Variants in C1QTNF7 observed in about 807,000 individuals in gnomAD.
The protein encoded by C1QTNF7 is C1q and TNF related 7, also known as complement C1q tumor necrosis factor-related protein 7.
Under a neutral mutation model 19.6 loss-of-function variants are expected in C1QTNF7, and 15 were observed. The observed-to-expected ratio is 0.76, with a 90% CI of 0.51 to 1.18. The LOEUF is 1.18. Among genes scored for constraint, C1QTNF7 ranks in the 50% most tolerant of loss-of-function variants. The probability of loss-of-function intolerance (pLI) is 0.00; values close to 1 mark genes in which losing one functional copy is unlikely to be tolerated. For synonymous variants in C1QTNF7, 142 were observed against 137.5 expected (o/e 1.03, Z -0.23); for missense variants, 324 against 359.7 (o/e 0.90, Z 0.80).
intron 1 of C1QTNF7, among the ~76,000 whole-genome samples, chr4:15,371,006 C>T (rs1717700005): frequency 6.6e-6 from 1 of 152,222 alleles, no homozygotes; most frequent in Admixed American, 6.5e-5. Flanking sequence ...GTTCCTTCAA[C>T]TGAAAATGTC....
intron 2 of C1QTNF7, among the ~76,000 whole-genome samples, chr4:15,440,713 A>G (rs986645961): frequency 1.3e-5 from 2 of 151,958 alleles, no homozygotes; most frequent in Non-Finnish European, 2.9e-5. Flanking sequence ...GCCCAGAAGC[A>G]AGTTTTTTTT....
chr4:15,350,961 A>G (rs549814702), intron 1 of C1QTNF7, among the ~76,000 whole-genome samples: 1 of 152,338 alleles, frequency 6.6e-6, no homozygotes, highest in African/African-American at 2.4e-5. Flanking sequence ...CTGACTCTGA[A>G]GTCCCTATCA....
At chr4:15,393,026 T>G (rs971847226) in intron 1 of C1QTNF7, among the ~76,000 whole-genome samples, 11 of 152,182 alleles carry the variant, frequency 7.2e-5, no homozygotes, top group Non-Finnish European at 1.3e-4. Context: ...CCACGTGTTG[T>G]GGAAGGGACC....
chr4:15,434,892 G>T (rs1712466276), intron 1 of C1QTNF7, among the ~76,000 whole-genome samples: 1 of 152,136 alleles, frequency 6.6e-6, no homozygotes, highest in Non-Finnish European at 1.5e-5. Flanking sequence ...ATATCCTGCA[G>T]ATTTTAAATT....
chr4:15,402,580 G>A (rs369027832), intron 1 of C1QTNF7, among the ~76,000 whole-genome samples: 2 of 152,256 alleles, frequency 1.3e-5, no homozygotes, highest in African/African-American at 4.8e-5. Context: ...AAATTGGGAG[G>A]CTAGGGGTGG....
At chr4:15,347,128 A>C (rs1351370953) in intron 1 of C1QTNF7, among the ~76,000 whole-genome samples, 1 of 152,198 alleles carries the variant, frequency 6.6e-6, no homozygotes, top group Non-Finnish European at 1.5e-5. Flanking sequence ...CAGGCTCTTA[A>C]ATATAATAAA....
chr4:15,373,645 C>T (rs1442139052), intron 1 of C1QTNF7, among the ~76,000 whole-genome samples: 3 of 152,110 alleles, frequency 2.0e-5, no homozygotes, highest in Non-Finnish European at 4.4e-5. Flanking sequence ...AGTGGCCAAG[C>T]CTTGATTTTC....
intron 1 of C1QTNF7, among the ~76,000 whole-genome samples, chr4:15,393,000 G>T (rs529799718): frequency 6.6e-6 from 1 of 152,286 alleles, no homozygotes; most frequent in East Asian, 1.9e-4. Flanking sequence ...ATCTTGAATT[G>T]TAGCTCCCAA....
intron 1 of C1QTNF7, among the ~76,000 whole-genome samples, chr4:15,415,943 T>C (rs920724980): frequency 6.6e-6 from 1 of 152,198 alleles, no homozygotes; most frequent in Admixed American, 6.5e-5. Flanking sequence ...TCTTTAATTA[T>C]AGAACAAATC....
intron 1 of C1QTNF7, among the ~76,000 whole-genome samples, chr4:15,429,779 G>C (rs1712225869): frequency 6.6e-6 from 1 of 151,916 alleles, no homozygotes; most frequent in Admixed American, 6.6e-5. Context: ...TACTTCTTTT[G>C]GATATATGCC....
chr4:15,424,810 T>C (rs1430225532), upstream of C1QTNF7, among the ~76,000 whole-genome samples: 1 of 152,144 alleles, frequency 6.6e-6, no homozygotes, highest in Non-Finnish European at 1.5e-5. Flanking sequence ...TTTAACAAGT[T>C]CTAAGTCGAT....
chr4:15,392,461 C>T (rs1718595577), intron 1 of C1QTNF7, among the ~76,000 whole-genome samples: 2 of 152,224 alleles, frequency 1.3e-5, no homozygotes, highest in Admixed American at 1.3e-4. Context: ...CCATCACAGG[C>T]ACCTGTGCAG....
At chr4:15,393,981 G>A (rs1159282470) in intron 1 of C1QTNF7, among the ~76,000 whole-genome samples, 2 of 152,244 alleles carry the variant, frequency 1.3e-5, no homozygotes, top group South Asian at 2.1e-4. Flanking sequence ...TAAGGGCAGA[G>A]GGGGTGTGTA....
upstream of C1QTNF7, among the ~76,000 whole-genome samples, chr4:15,427,301 TA>T (rs1382817838): frequency 1.3e-5 from 2 of 152,184 alleles, no homozygotes; most frequent in Non-Finnish European, 2.9e-5. Context: ...ATAAATTATA[TA>T]TTGCTGTTGC....
intron 1 of C1QTNF7, among the ~76,000 whole-genome samples, chr4:15,359,378 G>A (rs1310594638): frequency 6.6e-6 from 1 of 152,134 alleles, no homozygotes; most frequent in Non-Finnish European, 1.5e-5. Flanking sequence ...GGCCCTAGGG[G>A]TAAAATTGGA....
chr4:15,426,568 C>T (rs1327168833), upstream of C1QTNF7, among the ~76,000 whole-genome samples: 1 of 152,114 alleles, frequency 6.6e-6, no homozygotes. Flanking sequence ...TGGTAAGTAA[C>T]ATTAAAGAGA....
rs533518291 is a variant in C1QTNF7, at chr4:15,446,036, G to A, written c.*3237G>A. On this transcript the variant is annotated 3_prime_UTR_variant, in exon 3 of 3. Transcript: ENST00000444304. Reference sequence around the variant, plus strand: ...TTCTTTGTGCCCCTGCATGCACAAGGGTATTTCCAGGTCATTTATCATTGT... The same window carrying A: ...TTCTTTGTGCCCCTGCATGCACAAGAGTATTTCCAGGTCATTTATCATTGT... The A allele has an allele frequency of 1.8e-4, 28 of 152,190 alleles. No individual in the cohort carries two copies. Among genetic ancestry groups the A allele is most frequent in the Admixed American group, 9.2e-4 (14 of 15,296 alleles). The allele number at this position is 152,190 out of a possible 1,614,324, so 9.4% of individuals were successfully genotyped here.
chr4:15,372,927 G>A (rs1354890994), intron 1 of C1QTNF7, among the ~76,000 whole-genome samples: 1 of 88,048 alleles, frequency 1.1e-5, no homozygotes, highest in Non-Finnish European at 2.0e-5. Flanking sequence ...CTCCTAAAAG[G>A]AAAAGGGGGA....
intron 1 of C1QTNF7, among the ~76,000 whole-genome samples, chr4:15,371,342 T>A (rs2109306532): frequency 6.6e-6 from 1 of 152,364 alleles, no homozygotes; most frequent in East Asian, 1.9e-4. Flanking sequence ...CTTGGGCGTA[T>A]GCTTGCTAGT....
Sources: allele counts gnomAD v4.1 joint callset (sites outside exome capture counted in the v4.1 genomes callset), GRCh38; gene constraint gnomAD v4.1.1; transcripts MANE v1.5; gene names NCBI Gene and HGNC (gene_info 2026-07-23, HGNC 2026-07-21).